Variants in ZNF611 observed in about 807,000 individuals in gnomAD.
ZNF611 encodes zinc finger protein 611.
Under a neutral mutation model 8.9 loss-of-function variants are expected in ZNF611, and 6 were observed. The ratio of observed to expected loss-of-function variants is 0.68; its 90% confidence interval spans 0.37 to 1.34. The LOEUF (loss-of-function observed/expected upper bound fraction) is 1.34, where lower values mean the gene tolerates loss of function less well. Among genes scored for constraint, ZNF611 ranks in the 40% most tolerant of loss-of-function variants. The probability of loss-of-function intolerance (pLI) is 0.02; values close to 1 mark genes in which losing one functional copy is unlikely to be tolerated. For missense variants in ZNF611, 874 were observed against 841.3 expected, an observed-to-expected ratio of 1.04 and a Z score of -0.48; for synonymous variants, 262 against 279.7, an observed-to-expected ratio of 0.94 and a Z score of 0.63.
rs552279626 is a variant in ZNF611 at position 52,721,729 on chromosome 19, G to A, written c.-19-5816C>T. Among the ~76,000 whole-genome samples, 3 of 151,906 alleles carry A rather than the reference G, an allele frequency of 2.0e-5. No homozygotes were observed. The South Asian group carries it at 6.2e-4, about 32-fold the overall frequency. On this transcript the variant is annotated intron_variant, in intron 3 of 5. Transcript: ENST00000652185. ...AGGCAGAGGCAGAGGGAGAGGGAGA[G>A]GGAAAGGGAGAGGGAGAGAGAGAGG...
chr19:52,732,688 T>C (rs942826814), intron 1 of ZNF611, among the ~76,000 whole-genome samples: 1 of 151,134 alleles, frequency 6.6e-6, no homozygotes, highest in African/African-American at 2.4e-5. Context: ...ATCCCACCCG[T>C]AATCCCAGTA....
At chr19:52,724,521 A>C (rs958518912) in intron 3 of ZNF611, 6 of 152,292 alleles carry the variant, frequency 3.9e-5, no homozygotes, top group African/African-American at 1.4e-4. Flanking sequence ...ACACAGTAAC[A>C]GTCTGATCTC....
intron 5 of ZNF611, among the ~76,000 whole-genome samples, chr19:52,711,996 T>C (rs1004210639): frequency 2.0e-5 from 3 of 151,598 alleles, no homozygotes. Flanking sequence ...TAGAGGAAAG[T>C]GGAACTAATT....
chr19:52,713,842 G>GATC (rs1171816909), intron 5 of ZNF611, among the ~76,000 whole-genome samples, 173 bp downstream of exon 5: 1 of 152,122 alleles, frequency 6.6e-6, no homozygotes, highest in African/African-American at 2.4e-5. Context: ...GGTGAGCCAA[G>GATC]ATCATACCAT....
At chr19:52,715,976 A>T (rs1286772232) in intron 3 of ZNF611, 63 bp from the exon 4 acceptor site, 2 of 1,582,456 alleles carry the variant, frequency 1.3e-6, no homozygotes, top group Admixed American at 1.7e-5. Context: ...TGTGACAAAA[A>T]CACACGAACG....
chr19:52,719,330 T>C (rs2062338745), intron 3 of ZNF611, among the ~76,000 whole-genome samples: 1 of 152,112 alleles, frequency 6.6e-6, no homozygotes, highest in Non-Finnish European at 1.5e-5. Context: ...CAGTCACTTC[T>C]TACCCTACTT....
chr19:52,732,701 T>C (rs2147452499), intron 1 of ZNF611, among the ~76,000 whole-genome samples: 1 of 151,262 alleles, frequency 6.6e-6, no homozygotes, highest in Non-Finnish European at 1.5e-5. Context: ...TCCCAGTAAT[T>C]TGGGAGGCCA....
chr19:52,718,034 T>C (rs1192932220), intron 3 of ZNF611, among the ~76,000 whole-genome samples: 2 of 152,124 alleles, frequency 1.3e-5, no homozygotes, highest in African/African-American at 2.4e-5. Context: ...GGAGAAATAT[T>C]TGAAAATATA....
At chr19:52,711,502 G>A (rs986516370) in intron 5 of ZNF611, among the ~76,000 whole-genome samples, 7 of 152,124 alleles carry the variant, frequency 4.6e-5, no homozygotes, top group Non-Finnish European at 8.8e-5. Flanking sequence ...AGGATCCCAC[G>A]ACATGTTCTT....
chr19:52,723,265 T>TC (rs2062371691), intron 3 of ZNF611, among the ~76,000 whole-genome samples: 1 of 148,818 alleles, frequency 6.7e-6, no homozygotes, highest in Non-Finnish European at 1.5e-5. Context: ...TTTTTTTTTT[T>TC]TTTTTTTTGA....
intron 1 of ZNF611, among the ~76,000 whole-genome samples, chr19:52,731,992 CCGGG>C (rs1002495776): frequency 6.8e-6 from 1 of 146,668 alleles, no homozygotes; most frequent in Non-Finnish European, 1.5e-5. Context: ...AAAAAAATGG[CCGGG>C]CGGGTGGCTC....
intron 3 of ZNF611, among the ~76,000 whole-genome samples, chr19:52,721,668 G>A (rs1474004616): frequency 2.8e-5 from 4 of 144,274 alleles, no homozygotes; most frequent in Admixed American, 2.0e-4. Context: ...ACCGTGGAAA[G>A]TGAGAGGGGA....
At chr19:52,714,182 A>G in intron 4 of ZNF611, 41 bp from the exon 5 acceptor site, 1 of 1,607,480 alleles carries the variant, frequency 6.2e-7, no homozygotes. Flanking sequence ...TTATGGAGTA[A>G]TGAGTTATCA....
chr19:52,710,752 A>C (rs529658538), intron 5 of ZNF611, among the ~76,000 whole-genome samples: 60 of 152,344 alleles, frequency 3.9e-4, no homozygotes, highest in Non-Finnish European at 7.5e-4. Context: ...GCTGACAAAT[A>C]TTATTAAACA....
chr19:52,718,177 TAAAAATACA>T (rs2147432910), intron 3 of ZNF611, among the ~76,000 whole-genome samples: 1 of 152,014 alleles, frequency 6.6e-6, no homozygotes, highest in Admixed American at 6.6e-5. Context: ...ATGTCTCTAC[TAAAAATACA>T]AAAATTAGCA....
intron 5 of ZNF611, among the ~76,000 whole-genome samples, chr19:52,710,795 T>C (rs534327422): frequency 1.3e-5 from 2 of 152,304 alleles, no homozygotes; most frequent in South Asian, 4.1e-4. Context: ...AAAACTTATA[T>C]GAAGCCATCT....
At chr19:52,709,902 G>A (rs2062268829) in intron 5 of ZNF611, among the ~76,000 whole-genome samples, 1 of 152,088 alleles carries the variant, frequency 6.6e-6, no homozygotes, top group Non-Finnish European at 1.5e-5. Context: ...ACAGTAAAGA[G>A]CTCATTGCCT....
intron 1 of ZNF611, among the ~76,000 whole-genome samples, chr19:52,730,423 A>C (rs112522699): frequency 0.27 from 35,807 of 132,754 alleles, 5,609 homozygotes; most frequent in Middle Eastern, 0.32. Flanking sequence ...AAAAAAAAAA[A>C]ACATGATGTA....
At chr19:52,733,545 C>T (rs2062438286) in intron 1 of ZNF611, among the ~76,000 whole-genome samples, 3 of 144,254 alleles carry the variant, frequency 2.1e-5, no homozygotes, top group South Asian at 4.4e-4. Context: ...CAAGCAATCC[C>T]CTTGCCTCAG....
Sources: gnomAD v4.1 joint callset for allele counts (sites outside exome capture counted in the v4.1 genomes callset) on GRCh38, gnomAD v4.1.1 for gene constraint, MANE v1.5 for transcripts, NCBI Gene and HGNC (gene_info 2026-07-23, HGNC 2026-07-21) for gene names.